Variants in SVOPL observed in about 807,000 individuals in gnomAD.
SVOPL encodes the protein putative transporter SVOPL.
SVOPL carries 60 observed loss-of-function variants against 61.0 expected under a neutral mutation model. The observed-to-expected ratio is 0.98, with a 90% CI of 0.80 to 1.22. The LOEUF (loss-of-function observed/expected upper bound fraction) is 1.22. Ranked by LOEUF, SVOPL falls within the 50% of genes most tolerant of loss-of-function variation. SVOPL has a pLI of 0.00. For missense variants in SVOPL, 662 were observed against 643.9 expected, an observed-to-expected ratio of 1.03 and a Z score of -0.30; for synonymous variants, 279 against 250.0, an observed-to-expected ratio of 1.12 and a Z score of -1.09.
At chr7:138,607,802 CA>C (rs1798822162) in intron 14 of SVOPL, among the ~76,000 whole-genome samples, 2 of 152,182 alleles carry the variant, frequency 1.3e-5, no homozygotes, top group African/African-American at 4.8e-5. Flanking sequence ...TGATTGGAAG[CA>C]TTCAGCATCA....
At position 138,596,467 on chromosome 7, in the gene SVOPL, C is replaced by T. The variant is rs776814871; in HGVS notation, c.1417G>A (p.Ala473Thr). 12 of 1,613,810 alleles carry T rather than the reference C, an allele frequency of 7.4e-6. No individual in the cohort carries two copies. The highest frequency in any genetic ancestry group is 4.5e-5 in the East Asian group (2 of 44,870). ...CLFSSVCVVCAISAFTLPIET... is the reference protein window; with the variant it reads ...CLFSSVCVVCTISAFTLPIET... ...ATGGGGAGAGTGAATGCAGAAATGG[C>T]GCATACAACACAGACAGATGAGAAG... The change falls in exon 15 of 16, where the codon GCC becomes ACC. Residue 473 changes from alanine (A) to threonine (T), a missense_variant. Ala to Thr is a moderately conservative substitution (Grantham distance 58, BLOSUM62 0). Transcript: ENST00000674285.
chr7:138,654,179 A>G (rs1801586053), intron 7 of SVOPL, among the ~76,000 whole-genome samples: 1 of 151,740 alleles, frequency 6.6e-6, no homozygotes, highest in Admixed American at 6.6e-5. Flanking sequence ...ACAAATAAAC[A>G]CTCAGAAGAA....
rs1801734000 is a variant in SVOPL at position 138,656,429 on chromosome 7, A to C, written c.534+19T>G. Reference sequence around the variant, plus strand: ...CCCATAGGATGCCAAAGGCAGGTAGAACTCCTACGTTGCCTTACCTGAGAC... The same window carrying C: ...CCCATAGGATGCCAAAGGCAGGTAGCACTCCTACGTTGCCTTACCTGAGAC... On this transcript the variant is annotated intron_variant, in intron 7 of 15. Transcript: ENST00000674285. The C allele has an allele frequency of 6.2e-7, 1 of 1,613,222 alleles. No homozygotes were observed. Among genetic ancestry groups the C allele is most frequent in the Non-Finnish European group, 8.5e-7 (1 of 1,179,498 alleles).
At chr7:138,637,485 TAG>T (rs200718863) in intron 9 of SVOPL, among the ~76,000 whole-genome samples, 30 of 12,714 alleles carry the variant, frequency 2.4e-3, no homozygotes, top group African/African-American at 9.0e-3. Context: ...GATATAGATA[TAG>T]ATAGATATAT....
At chr7:138,672,143 T>C (rs548689506) in intron 3 of SVOPL, 26 bp from the exon 4 acceptor site, 17 of 1,545,352 alleles carry the variant, frequency 1.1e-5, no homozygotes, top group Non-Finnish European at 1.5e-5. Context: ...CACCATGCCA[T>C]GTCTAAGTGC....
chr7:138,624,759 G>A (rs1457718676), intron 13 of SVOPL, among the ~76,000 whole-genome samples: 2 of 150,374 alleles, frequency 1.3e-5, no homozygotes, highest in Non-Finnish European at 2.9e-5. Context: ...GTGCAGTGGT[G>A]CCATCAGAAC....
chr7:138,639,619 CAAAAA>C (rs71179709), intron 9 of SVOPL, among the ~76,000 whole-genome samples: 1 of 127,068 alleles, frequency 7.9e-6, no homozygotes, highest in Non-Finnish European at 1.7e-5. Context: ...GACTCCGTCT[CAAAAA>C]AAAAAAAAGA....
intron 14 of SVOPL, among the ~76,000 whole-genome samples, chr7:138,609,667 A>C (rs1189595155): frequency 1.3e-5 from 2 of 150,176 alleles, no homozygotes; most frequent in East Asian, 4.0e-4. Context: ...TTAAAACAAA[A>C]CAAAACAAAA....
Position 138,659,847 on chromosome 7 carries a change from C to T in SVOPL, c.470+17G>A, listed in dbSNP as rs1302848205. On this transcript the variant is annotated intron_variant, in intron 6 of 15. Coordinates refer to ENST00000674285, the MANE Select transcript of SVOPL (RefSeq NM_001139456.2). ...GTACACGTTTCTGTCTCAGGGTCCC[C>T]TGGGTAACATATTTACCCTTGCGAG... The T allele has an allele frequency of 1.1e-5, 17 of 1,550,568 alleles. No individual in the cohort carries two copies. The East Asian group carries it at 3.9e-4, about 36-fold the overall frequency.
At chr7:138,623,407 T>C (rs1326237425) in intron 13 of SVOPL, among the ~76,000 whole-genome samples, 1 of 152,146 alleles carries the variant, frequency 6.6e-6, no homozygotes, top group Non-Finnish European at 1.5e-5. Context: ...GAGACCATCC[T>C]GGCTAACAAG....
chr7:138,641,814 T>TA (rs1554464905), intron 9 of SVOPL, among the ~76,000 whole-genome samples: 1 of 120,972 alleles, frequency 8.3e-6, no homozygotes, highest in Non-Finnish European at 1.7e-5. Flanking sequence ...TATATATATG[T>TA]TATATATATA....
At chr7:138,664,259 C>A (rs1332928766) in intron 4 of SVOPL, 5 of 984,178 alleles carry the variant, frequency 5.1e-6, no homozygotes, top group African/African-American at 1.8e-5. Context: ...GCGCGCCTAA[C>A]CCTCCAGCGT....
chr7:138,618,713 A>T (rs1288115055), intron 14 of SVOPL, among the ~76,000 whole-genome samples: 4 of 140,496 alleles, frequency 2.8e-5, no homozygotes, highest in Admixed American at 6.8e-5. Context: ...CACGCGCGAG[A>T]GAGAGAGAGA....
At chr7:138,647,930 A>T (rs1190923145) in intron 8 of SVOPL, among the ~76,000 whole-genome samples, 1 of 151,610 alleles carries the variant, frequency 6.6e-6, no homozygotes, top group Non-Finnish European at 1.5e-5. Context: ...GGATGCCTGT[A>T]TTGAGTCGAG....
At chr7:138,604,669 CTT>C (rs1272690648) in intron 14 of SVOPL, among the ~76,000 whole-genome samples, 8 of 51,596 alleles carry the variant, frequency 1.6e-4, no homozygotes, top group African/African-American at 6.5e-4. Context: ...CAGAGCAAAA[CTT>C]TATCTCAAAA....
intron 14 of SVOPL, among the ~76,000 whole-genome samples, chr7:138,602,838 C>A (rs751039175): frequency 6.6e-6 from 1 of 152,062 alleles, no homozygotes; most frequent in Non-Finnish European, 1.5e-5. Flanking sequence ...AGGTAAGAAA[C>A]CTTTTTATGC....
At chr7:138,646,709 G>C (rs1337836566) in intron 8 of SVOPL, among the ~76,000 whole-genome samples, 3 of 152,060 alleles carry the variant, frequency 2.0e-5, no homozygotes, top group Admixed American at 1.3e-4. Context: ...AATAGAGATG[G>C]GGTTCTGCCA....
intron 11 of SVOPL, among the ~76,000 whole-genome samples, chr7:138,627,675 G>A (rs1799953942): frequency 6.6e-6 from 1 of 152,158 alleles, no homozygotes; most frequent in Non-Finnish European, 1.5e-5. Flanking sequence ...AAGCACTGGT[G>A]CCCAGAATAC....
chr7:138,653,944 A>G (rs1378212160), intron 7 of SVOPL, among the ~76,000 whole-genome samples: 6 of 50,664 alleles, frequency 1.2e-4, no homozygotes, highest in East Asian at 7.5e-4. Context: ...AAAAAAAAAA[A>G]AAAAGAAAAG....
Sources: allele counts gnomAD v4.1 joint callset (sites outside exome capture counted in the v4.1 genomes callset), GRCh38; gene constraint gnomAD v4.1.1; transcripts MANE v1.5; gene names NCBI Gene and HGNC (gene_info 2026-07-23, HGNC 2026-07-21).